KHDC1: variants seen among roughly 807,000 people sequenced by gnomAD.
The protein encoded by KHDC1 is KH domain containing 1.
KHDC1 carries 21 observed loss-of-function variants against 24.7 expected under a neutral mutation model. That is an observed-to-expected ratio of 0.85 (90% CI 0.60 to 1.23). The LOEUF is 1.23. Ranked by LOEUF, KHDC1 falls within the 50% of genes most tolerant of loss-of-function variation. The probability of loss-of-function intolerance (pLI) is 0.00; values close to 1 mark genes in which losing one functional copy is unlikely to be tolerated. For missense variants in KHDC1, 274 were observed against 298.5 expected (o/e 0.92, Z 0.61); for synonymous variants, 98 against 111.7 (o/e 0.88, Z 0.77).
intron 2 of KHDC1, among the ~76,000 whole-genome samples, chr6:73,255,486 T>A (rs964026582): frequency 1.4e-5 from 2 of 148,030 alleles, no homozygotes; most frequent in Non-Finnish European, 3.0e-5. Flanking sequence ...CCTCCCAAAG[T>A]GCTGGGATTA....
intron 2 of KHDC1, among the ~76,000 whole-genome samples, chr6:73,246,716 A>G (rs1049327571): frequency 2.2e-4 from 34 of 152,186 alleles, no homozygotes; most frequent in African/African-American, 8.2e-4. Flanking sequence ...AACCTAAAAA[A>G]ATTTTTTTTC....
In KHDC1 at chr6:73,281,617, CAAA is replaced by C. The variant is rs58163019; in HGVS notation, c.206+10378_206+10380del. On this transcript the variant is annotated intron_variant, in intron 2 of 4. Transcript: ENST00000370384. The stretch of plus-strand genomic sequence containing the variant: ...GGGCAGTAAGAGTGAAACTTCGTCT[CAAA>C]AAAAAAAAAAAAAAAATGGGTTCTA... Among the ~76,000 whole-genome samples the C allele has an allele frequency of 6.7e-3, 627 of 93,750 alleles. 5 individuals are homozygous for C. The highest frequency in any genetic ancestry group is 0.018 in the African/African-American group (563 of 31,718). The allele number at this position is 93,750 out of a possible 152,430, so 61.5% of individuals were successfully genotyped here. A position where few individuals can be genotyped will look rare whatever the true frequency, so the allele number is the denominator to read the frequency against.
chr6:73,262,911 C>T, intron 2 of KHDC1: 1 of 987,244 alleles, frequency 1.0e-6, no homozygotes, highest in Non-Finnish European at 1.2e-6. Context: ...ACCCAGGCTT[C>T]TCTGTCCCTT....
At chr6:73,302,629 T>A (rs980379656) in intron 1 of KHDC1, among the ~76,000 whole-genome samples, 22 of 152,228 alleles carry the variant, frequency 1.4e-4, no homozygotes, top group Admixed American at 6.5e-5. Context: ...CTTCATGTGT[T>A]GTGCTGTCAC....
intron 2 of KHDC1, chr6:73,284,776 T>G (rs1032862320): frequency 2.6e-5 from 4 of 152,144 alleles, no homozygotes; most frequent in African/African-American, 4.8e-5. Context: ...ATATCAGGCT[T>G]ATCCACCCTT....
At chr6:73,297,985 G>A (rs1335105291) in intron 1 of KHDC1, among the ~76,000 whole-genome samples, 1 of 152,072 alleles carries the variant, frequency 6.6e-6, no homozygotes. Flanking sequence ...GACTCCGGGA[G>A]TTTGAGACCA....
chr6:73,280,350 A>G (rs1767380829), intron 2 of KHDC1, among the ~76,000 whole-genome samples: 1 of 151,518 alleles, frequency 6.6e-6, no homozygotes, highest in Admixed American at 6.6e-5. Flanking sequence ...TTTTGTAGAA[A>G]TGGGGTTTTG....
intron 2 of KHDC1, among the ~76,000 whole-genome samples, chr6:73,264,546 T>A (rs548484467): frequency 1.3e-5 from 2 of 152,102 alleles, no homozygotes; most frequent in East Asian, 3.9e-4. Flanking sequence ...GTCCTGAAGG[T>A]TTAAGATTCT....
chr6:73,250,964 C>T (rs897313844), intron 2 of KHDC1, among the ~76,000 whole-genome samples: 1 of 152,104 alleles, frequency 6.6e-6, no homozygotes, highest in South Asian at 2.1e-4. Flanking sequence ...CTCAGCCTCC[C>T]GAGTAGCTGG....
chr6:73,242,385 A>C (rs766454294), intron 3 of KHDC1, 21 bp downstream of exon 2: 90 of 1,613,818 alleles, frequency 5.6e-5, no homozygotes, highest in Non-Finnish European at 7.5e-5. Flanking sequence ...GAAGAAGGGG[A>C]CGTGGGCAAA....
intron 2 of KHDC1, among the ~76,000 whole-genome samples, chr6:73,282,997 G>T (rs1489816538): frequency 6.6e-6 from 1 of 152,200 alleles, no homozygotes; most frequent in Non-Finnish European, 1.5e-5. Context: ...TAGGAAATGG[G>T]CAAGGTGAAG....
At chr6:73,244,114 ATAGAAG>A (rs1245718359) in intron 2 of KHDC1, among the ~76,000 whole-genome samples, 1 of 152,192 alleles carries the variant, frequency 6.6e-6, no homozygotes, top group Non-Finnish European at 1.5e-5. Flanking sequence ...ATCATTTCCT[ATAGAAG>A]TAGATGTTTA....
chr6:73,259,280 CTTTTTTTTTTTTTTT>C (rs59935884), intron 2 of KHDC1, among the ~76,000 whole-genome samples: 1 of 73,238 alleles, frequency 1.4e-5, no homozygotes, highest in Admixed American at 1.8e-4. Flanking sequence ...ATCCAATATG[CTTTTTTTTTTTTTTT>C]TTTTTTTTTT....
At chr6:73,280,363 A>T (rs1402034087) in intron 2 of KHDC1, among the ~76,000 whole-genome samples, 1 of 151,530 alleles carries the variant, frequency 6.6e-6, no homozygotes, top group Admixed American at 6.6e-5. Flanking sequence ...GGGTTTTGCC[A>T]TGTTGTCCAG....
At chr6:73,272,477 G>GA (rs1335686796) in intron 2 of KHDC1, among the ~76,000 whole-genome samples, 1 of 151,712 alleles carries the variant, frequency 6.6e-6, no homozygotes, top group African/African-American at 2.4e-5. Flanking sequence ...ATCTCAGAAG[G>GA]AAAAAGCCAG....
intron 1 of KHDC1, among the ~76,000 whole-genome samples, chr6:73,307,426 A>G (rs897972005): frequency 2.6e-5 from 4 of 152,102 alleles, no homozygotes; most frequent in Admixed American, 2.0e-4. Flanking sequence ...CCTGTCTCAC[A>G]ATAAATAAAT....
intron 2 of KHDC1, among the ~76,000 whole-genome samples, chr6:73,272,601 C>T (rs1174484193): frequency 3.3e-5 from 5 of 151,546 alleles, no homozygotes; most frequent in African/African-American, 9.7e-5. Flanking sequence ...ATGGTAAGAC[C>T]CTGTCTCTAC....
At chr6:73,302,625 G>A (rs1767896545) in intron 1 of KHDC1, among the ~76,000 whole-genome samples, 1 of 152,290 alleles carries the variant, frequency 6.6e-6, no homozygotes, top group African/African-American at 2.4e-5. Context: ...AACACTTCAT[G>A]TGTTGTGCTG....
chr6:73,251,140 T>G (rs531304111), intron 2 of KHDC1, among the ~76,000 whole-genome samples: 2 of 152,248 alleles, frequency 1.3e-5, no homozygotes, highest in Admixed American at 6.5e-5. Flanking sequence ...ACCAAATAAT[T>G]TATAATCAAA....
Sources: allele counts gnomAD v4.1 joint callset (sites outside exome capture counted in the v4.1 genomes callset), GRCh38; gene constraint gnomAD v4.1.1; transcripts MANE v1.5; gene names NCBI Gene and HGNC (gene_info 2026-07-23, HGNC 2026-07-21).